Variants in RFX8 observed in about 807,000 individuals in gnomAD.
RFX8 encodes the protein regulatory factor X8.
Under a neutral mutation model 54.6 loss-of-function variants are expected in RFX8, and 46 were observed. That is an observed-to-expected ratio of 0.84 (90% CI 0.67 to 1.08). The LOEUF (loss-of-function observed/expected upper bound fraction) is 1.08. Ranked by LOEUF, RFX8 falls within the 50% of genes least tolerant of loss-of-function variation. RFX8 has a pLI of 0.00. For missense variants in RFX8, 536 were observed against 562.3 expected (o/e 0.95, Z 0.47); for synonymous variants, 192 against 209.5 (o/e 0.92, Z 0.72).
At chr2:101,424,013 T>C (rs927121523) in intron 2 of RFX8, among the ~76,000 whole-genome samples, 5 of 152,178 alleles carry the variant, frequency 3.3e-5, no homozygotes, top group South Asian at 2.1e-4. Context: ...CTGGAGAAAA[T>C]GCATACTACG....
chr2:101,433,636 C>T (rs933244669), intron 2 of RFX8, among the ~76,000 whole-genome samples: 2 of 152,204 alleles, frequency 1.3e-5, no homozygotes, highest in African/African-American at 4.8e-5. Context: ...TCTGTCATTA[C>T]TCCAGACTTT....
At chr2:101,464,164 A>G (rs537775859) in intron 2 of RFX8, among the ~76,000 whole-genome samples, 1 of 152,318 alleles carries the variant, frequency 6.6e-6, no homozygotes, top group East Asian at 1.9e-4. Flanking sequence ...CATGTCTGCA[A>G]ATGAACTACA....
intron 1 of RFX8, among the ~76,000 whole-genome samples, chr2:101,470,068 T>TTGTCACCCAGTAGTTGCCTCAGCCTTCAG (rs373605690): frequency 2.6e-5 from 4 of 152,030 alleles, no homozygotes; most frequent in Admixed American, 6.6e-5. Flanking sequence ...AAAGTGGACT[T>TTGTCACCCAGTAGTTGCCTCAGCCTTCAG]TGTCACCCAG....
intron 1 of RFX8, among the ~76,000 whole-genome samples, chr2:101,469,924 C>G (rs1237438776): frequency 1.3e-5 from 2 of 152,148 alleles, no homozygotes; most frequent in African/African-American, 2.4e-5. Flanking sequence ...TGCCTTGATC[C>G]TGGCAGTTCC....
intron 11 of RFX8, among the ~76,000 whole-genome samples, chr2:101,400,526 C>T (rs887446407): frequency 2.0e-5 from 3 of 152,146 alleles, no homozygotes; most frequent in Admixed American, 6.6e-5. Context: ...ATTCTGCACC[C>T]GCCACCCTGT....
intron 2 of RFX8, among the ~76,000 whole-genome samples, chr2:101,426,071 C>A (rs1687153190): frequency 6.6e-6 from 1 of 152,106 alleles, no homozygotes; most frequent in Non-Finnish European, 1.5e-5. Context: ...AGAAAAGATA[C>A]CTGTTTAAGG....
intron 2 of RFX8, chr2:101,428,941 T>A: frequency 6.7e-7 from 1 of 1,488,966 alleles, no homozygotes; most frequent in Non-Finnish European, 9.1e-7. Context: ...GTAAATCTGT[T>A]TGATTAACAC....
At chr2:101,448,918 G>A (rs1011339777) in intron 2 of RFX8, among the ~76,000 whole-genome samples, 5 of 152,210 alleles carry the variant, frequency 3.3e-5, no homozygotes, top group African/African-American at 9.6e-5. Context: ...AATGCTGGTT[G>A]TATGGATGGA....
chr2:101,432,678 C>T (rs990941786), intron 2 of RFX8, among the ~76,000 whole-genome samples: 1 of 152,106 alleles, frequency 6.6e-6, no homozygotes, highest in African/African-American at 2.4e-5. Flanking sequence ...GCCTTTGGGA[C>T]ATTTATCAGG....
At chr2:101,404,971 T>C (rs1467541082) in intron 10 of RFX8, among the ~76,000 whole-genome samples, 1 of 152,176 alleles carries the variant, frequency 6.6e-6, no homozygotes, top group Non-Finnish European at 1.5e-5. Flanking sequence ...CAGCTCTCTA[T>C]GCAGGGATCA....
intron 2 of RFX8, among the ~76,000 whole-genome samples, chr2:101,451,056 G>A (rs1187796955): frequency 6.7e-6 from 1 of 148,332 alleles, no homozygotes; most frequent in Non-Finnish European, 1.5e-5. Flanking sequence ...ATGATACCAA[G>A]GCTCCCTCCA....
At chr2:101,455,023 T>C (rs1688892223) in intron 2 of RFX8, among the ~76,000 whole-genome samples, 1 of 149,658 alleles carries the variant, frequency 6.7e-6, no homozygotes, top group South Asian at 2.1e-4. Context: ...CTTTTTTCTT[T>C]TTTTTTTTGA....
chr2:101,406,051 T>C lies in RFX8; in HGVS notation c.820A>G (p.Arg274Gly), dbSNP rs1685714574. The change falls in exon 10 of 12, where the codon AGA (arginine) becomes GGA (glycine). Residue 274 changes from arginine to glycine, a missense_variant. Coordinates refer to ENST00000428343, the MANE Select transcript of RFX8 (RefSeq NM_001145664.2). ...AATTTGGTAAACTCTTCTTTGCTTC[T>C]GCTTGTCTGTTAAGTTTTTGTGAGA... ...HLQAFVFQTS[R>G]SKEEFTKLAA... 3 of 1,538,216 alleles carry C rather than the reference T, an allele frequency of 2.0e-6. No homozygotes were observed. The highest frequency in any genetic ancestry group is 2.6e-6 in the Non-Finnish European group (3 of 1,139,790).
chr2:101,451,724 C>T (rs551235428), intron 2 of RFX8, among the ~76,000 whole-genome samples: 92 of 149,192 alleles, frequency 6.2e-4, no homozygotes, highest in African/African-American at 2.2e-3. Flanking sequence ...AATATAGCCT[C>T]GGGACCGCAC....
intron 2 of RFX8, among the ~76,000 whole-genome samples, chr2:101,451,321 A>G (rs1303393392): frequency 6.6e-6 from 1 of 152,184 alleles, no homozygotes; most frequent in East Asian, 1.9e-4. Flanking sequence ...CAAGCAACAA[A>G]TAGCAATAAT....
intron 2 of RFX8, among the ~76,000 whole-genome samples, chr2:101,461,260 C>A (rs1322034003): frequency 4.5e-4 from 7 of 15,404 alleles, no homozygotes; most frequent in African/African-American, 1.2e-3. Flanking sequence ...GAGACTCCAT[C>A]TCAAAAAAAA....
chr2:101,416,018 G>T (rs1218362360), intron 6 of RFX8, among the ~76,000 whole-genome samples: 1 of 152,220 alleles, frequency 6.6e-6, no homozygotes, highest in East Asian at 1.9e-4. Flanking sequence ...GAGCACTGTT[G>T]GGTCATGGGA....
chr2:101,412,066 A>G (rs979051553), intron 8 of RFX8, among the ~76,000 whole-genome samples: 8 of 152,208 alleles, frequency 5.3e-5, no homozygotes, highest in Non-Finnish European at 1.0e-4. Flanking sequence ...CACAGCTGAG[A>G]GTACTACCAA....
intron 10 of RFX8, among the ~76,000 whole-genome samples, chr2:101,404,690 C>T (rs1451958212): frequency 6.6e-6 from 1 of 152,002 alleles, no homozygotes; most frequent in African/African-American, 2.4e-5. Context: ...GTCTCCCAAA[C>T]TGCTGGGATT....
Sources: gnomAD v4.1 joint callset for allele counts (sites outside exome capture counted in the v4.1 genomes callset) on GRCh38, gnomAD v4.1.1 for gene constraint, MANE v1.5 for transcripts, NCBI Gene and HGNC (gene_info 2026-07-23, HGNC 2026-07-21) for gene names.